Variants in DGKD observed in about 807,000 individuals in gnomAD.
DGKD encodes the protein diacylglycerol kinase delta.
In DGKD, 68 loss-of-function variants were observed where a neutral mutation model predicts 154.4. The ratio of observed to expected loss-of-function variants is 0.44; its 90% CI spans 0.36 to 0.54. DGKD has a LOEUF of 0.54. Ranked by LOEUF, DGKD falls within the 20% of genes least tolerant of loss-of-function variation. The pLI is 0.00. For missense variants in DGKD, 1,343 were observed against 1,593.6 expected, an observed-to-expected ratio of 0.84 and a Z score of 2.68; for synonymous variants, 693 against 638.0, an observed-to-expected ratio of 1.09 and a Z score of -1.30.
At chr2:233,359,683 T>C (rs187399212) in intron 1 of DGKD, among the ~76,000 whole-genome samples, 7 of 152,310 alleles carry the variant, frequency 4.6e-5, no homozygotes, top group Admixed American at 3.9e-4. Context: ...TACCATGGGC[T>C]AGGTATTACA....
intron 3 of DGKD, among the ~76,000 whole-genome samples, chr2:233,394,570 GTA>G (rs1703868581): frequency 6.6e-6 from 1 of 151,054 alleles, no homozygotes. Flanking sequence ...GTTCTCTCAT[GTA>G]TATTAGTATT....
At chr2:233,376,633 G>T (rs1317922774) in intron 1 of DGKD, among the ~76,000 whole-genome samples, 3 of 151,968 alleles carry the variant, frequency 2.0e-5, no homozygotes, top group African/African-American at 7.3e-5. Context: ...AGGGTCCTTT[G>T]TAGGGACATG....
At chr2:233,465,933 ATAAAAT>A (rs2063810179) in intron 27 of DGKD, among the ~76,000 whole-genome samples, 2 of 152,230 alleles carry the variant, frequency 1.3e-5, no homozygotes, top group South Asian at 4.1e-4. Flanking sequence ...CAATATAAAA[ATAAAAT>A]TGCATATGTA....
At chr2:233,432,945 A>G (rs752533723) in intron 3 of DGKD, among the ~76,000 whole-genome samples, 4 of 152,240 alleles carry the variant, frequency 2.6e-5, no homozygotes, top group African/African-American at 4.8e-5. Context: ...AGGCAATAAC[A>G]AATGCTGGCG....
In DGKD at chr2:233,462,656, G is replaced by A. The variant is rs759291351; in HGVS notation, c.3107G>A (p.Ser1036Asn). The A allele has an allele frequency of 6.8e-6, 11 of 1,614,018 alleles. No individual in the cohort carries two copies. Among genetic ancestry groups the A allele is most frequent in the Non-Finnish European group, 9.3e-6 (11 of 1,180,012 alleles). The change falls in exon 26 of 30, where the codon AGC becomes AAC. Residue 1036 changes from serine to asparagine, a missense_variant. Physicochemically the swap from Ser to Asn is conservative, Grantham distance 46. Coordinates refer to ENST00000264057, the MANE Select transcript of DGKD (RefSeq NM_152879.3). ...KPRTTEGLNC[S>N]FVLEMVNNFR... Reference sequence around the variant, plus strand: ...GGTTTCTTCTAGGGGCTCAACTGCAGCTTCGTCCTGGAAATGGTGAATAAC... The same window carrying A: ...GGTTTCTTCTAGGGGCTCAACTGCAACTTCGTCCTGGAAATGGTGAATAAC...
chr2:233,460,795 A>G lies in DGKD; in HGVS notation c.2981+450A>G, dbSNP rs910269732. 1.9e-4 allele frequency among the ~76,000 whole-genome samples: 29 copies of G among 152,166 alleles called. 1 individual carries two copies. The highest frequency in any genetic ancestry group is 1.6e-3 in the Admixed American group (25 of 15,284). On this transcript the variant is annotated intron_variant, in intron 24 of 29. Transcript: ENST00000264057. The stretch of plus-strand genomic sequence containing the variant: ...TAGTCCCAGCTACTCTGGAGGCTGA[A>G]GCAGCAGAATCAGTCGAACCCCAGA...
Position 233,450,967 on chromosome 2 carries a change from C to T in DGKD, c.2084C>T (p.Ser695Phe), listed in dbSNP as rs1309126455. 1 of 1,612,346 alleles carries T rather than the reference C, an allele frequency of 6.2e-7. No individual in the cohort carries two copies. The highest frequency in any genetic ancestry group is 8.5e-7 in the Non-Finnish European group (1 of 1,178,572). ...CEKLISKGSL[S>F]LGSSASLPPQ... ...AAGCTGATCAGCAAAGGGAGTCTGT[C>T]CCTAGGCAGTTCTGCTTCCCTTCCG... The change falls in exon 17 of 30, where the codon TCC (serine) becomes TTC (phenylalanine). Residue 695 changes from serine to phenylalanine, a missense_variant. Physicochemically the swap from Ser to Phe is radical, Grantham distance 155 (BLOSUM62 -2). Coordinates refer to ENST00000264057, the MANE Select transcript of DGKD (RefSeq NM_152879.3).
rs3835771 is a variant in DGKD at position 233,438,755 on chromosome 2, CATCTATCTATCT to C, written c.1085+425_1085+436del. Among the ~76,000 whole-genome samples the C allele has an allele frequency of 0.079, 10,488 of 132,250 alleles. 482 individuals carry two copies. The highest frequency in any genetic ancestry group is 0.17 in the Admixed American group (2,352 of 13,824). The allele number at this position is 132,250 out of a possible 152,430, so 86.8% of individuals were successfully genotyped here. On this transcript the variant is annotated intron_variant, in intron 9 of 29. Transcript: ENST00000264057. The surrounding 1 kb of genome is among the most constrained non-coding windows in gnomAD (Gnocchi z 4.1). ...ATTTTTTATTTATCTGTCTATCTAT[CATCTATCTATCT>C]ATCTATCTATCTATCTATCTATCTA...
At chr2:233,462,532 C>A (rs1195713929) in intron 25 of DGKD, 73 bp downstream of exon 25, 2 of 1,528,772 alleles carry the variant, frequency 1.3e-6, no homozygotes, top group Non-Finnish European at 1.8e-6. Context: ...CGTGCGTGTT[C>A]ATTCCCCCGC....
At chr2:233,359,760 G>A (rs1469976419) in intron 1 of DGKD, among the ~76,000 whole-genome samples, 1 of 152,134 alleles carries the variant, frequency 6.6e-6, no homozygotes, top group Non-Finnish European at 1.5e-5. Flanking sequence ...ACTGTTGTGC[G>A]AGGCACCAGG....
Position 233,432,675 on chromosome 2 carries a change from A to C in DGKD, c.349-1705A>C, listed in dbSNP as rs569351317. On this transcript the variant is annotated intron_variant, in intron 3 of 29. Coordinates refer to ENST00000264057, the MANE Select transcript of DGKD (RefSeq NM_152879.3). ...CTCCGTCTCAAAAAAACAAAACAAA[A>C]CAAAACAAAAATTGAAAACTATTCC... 1.9e-4 allele frequency among the ~76,000 whole-genome samples: 29 copies of C among 152,310 alleles called. No individual in the cohort carries two copies. In the South Asian group the frequency reaches 6.0e-3, roughly 32 times the overall value.
chr2:233,369,357 G>C (rs1702197814), intron 1 of DGKD, among the ~76,000 whole-genome samples: 1 of 152,024 alleles, frequency 6.6e-6, no homozygotes, highest in African/African-American at 2.4e-5. Flanking sequence ...GATTGTTTTT[G>C]TTTTCTAATC....
chr2:233,439,399 C>T (rs762974422), intron 9 of DGKD, among the ~76,000 whole-genome samples: 2 of 152,214 alleles, frequency 1.3e-5, no homozygotes, highest in African/African-American at 2.4e-5. Context: ...TTCTGTGTTG[C>T]TCATCCCCAC....
At chr2:233,461,948 C>T (rs2063659057) in intron 24 of DGKD, among the ~76,000 whole-genome samples, 1 of 152,238 alleles carries the variant, frequency 6.6e-6, no homozygotes, top group East Asian at 1.9e-4. Flanking sequence ...GATGAGGGTC[C>T]TTTTGTCCCC....
At chr2:233,402,515 GCTT>G (rs1374154563) in intron 3 of DGKD, among the ~76,000 whole-genome samples, 2 of 152,172 alleles carry the variant, frequency 1.3e-5, no homozygotes, top group Non-Finnish European at 2.9e-5. Flanking sequence ...AGGTTCTGTT[GCTT>G]CTTTTTGTTA....
intron 1 of DGKD, among the ~76,000 whole-genome samples, chr2:233,380,689 T>C (rs2125417866): frequency 6.6e-6 from 1 of 152,096 alleles, no homozygotes; most frequent in South Asian, 2.1e-4. Context: ...TGGGGGGGTG[T>C]TAACACCACA....
chr2:233,381,156 C>T (rs769797431), intron 1 of DGKD, among the ~76,000 whole-genome samples: 2 of 152,196 alleles, frequency 1.3e-5, no homozygotes, highest in East Asian at 3.9e-4. Flanking sequence ...TTGCCCGGTG[C>T]GCTCTCTCCT....
At chr2:233,461,628 C>A (rs1304796890) in intron 24 of DGKD, among the ~76,000 whole-genome samples, 1 of 152,250 alleles carries the variant, frequency 6.6e-6, no homozygotes. Context: ...CTGGTGGCCT[C>A]CCCTGGAAAG....
chr2:233,450,639 T>G lies in DGKD; in HGVS notation c.2039-283T>G, dbSNP rs957409345. On this transcript the variant is annotated intron_variant, in intron 16 of 29. Transcript: ENST00000264057. The stretch of plus-strand genomic sequence containing the variant: ...ATGGCCACCACTGAGAGCTCTGCTG[T>G]GTGTGTGCTCCGCCTCCCACAGCCC... Among the ~76,000 whole-genome samples, 4 of 152,210 alleles carry G rather than the reference T, an allele frequency of 2.6e-5. No individual in the cohort carries two copies. In the South Asian group the frequency reaches 8.3e-4, roughly 32 times the overall value.
Sources: allele counts gnomAD v4.1 joint callset (sites outside exome capture counted in the v4.1 genomes callset), GRCh38; gene constraint gnomAD v4.1.1; non-coding constraint Gnocchi (gnomAD v3.1); transcripts MANE v1.5; gene names NCBI Gene and HGNC (gene_info 2026-07-23, HGNC 2026-07-21).